Variants in PIK3C2G observed in about 807,000 individuals in gnomAD.
PIK3C2G encodes phosphatidylinositol 3-kinase C2 domain-containing subunit gamma.
In PIK3C2G, 168 loss-of-function variants were observed where a neutral mutation model predicts 181.1. The ratio of observed to expected loss-of-function variants is 0.93; its 90% CI spans 0.82 to 1.05. The LOEUF is 1.05. Among genes scored for constraint, PIK3C2G ranks in the 50% least tolerant of loss-of-function variants. The pLI is 0.00. For missense variants in PIK3C2G, 1,869 were observed against 1,732.8 expected (o/e 1.08, Z -1.40); for synonymous variants, 573 against 592.2 (o/e 0.97, Z 0.47).
Position 18,488,618 on chromosome 12 carries a change from C to T in PIK3C2G, c.2674C>T (p.His892Tyr), listed in dbSNP as rs767773999. The change falls in exon 19 of 33, where the codon CAT becomes TAT. Residue 892 changes from histidine to tyrosine, a missense_variant. Physicochemically the swap from His to Tyr is moderately conservative, Grantham distance 83 (BLOSUM62 2). Transcript: ENST00000538779. ...IGERVKSASD[H>Y]QRQEVLKKEI... ...GGAAAGAGTCAAGTCTGCCAGTGACCATCAAAGACAGGTTTGTTGAAATAT... is the reference window on the plus strand; with the variant it reads ...GGAAAGAGTCAAGTCTGCCAGTGACTATCAAAGACAGGTTTGTTGAAATAT... The T allele has an allele frequency of 3.3e-6, 5 of 1,506,858 alleles. No homozygotes were observed. The African/African-American group carries it at 5.7e-5, about 17-fold the overall frequency. The allele number at this position is 1,506,858 out of a possible 1,614,324, so 93.3% of individuals were successfully genotyped here.
At chr12:18,396,395 T>C (rs1296978461) in intron 15 of PIK3C2G, among the ~76,000 whole-genome samples, 2 of 151,686 alleles carry the variant, frequency 1.3e-5, no homozygotes, top group Non-Finnish European at 3.0e-5. Flanking sequence ...GAAAAGTTTA[T>C]AGTTAGTATC....
intron 11 of PIK3C2G, among the ~76,000 whole-genome samples, chr12:18,349,197 T>C (rs532475115): frequency 6.6e-6 from 1 of 152,184 alleles, no homozygotes; most frequent in South Asian, 2.1e-4. Flanking sequence ...TGGGAAAGCA[T>C]GATACAAGGG....
intron 31 of PIK3C2G, among the ~76,000 whole-genome samples, chr12:18,634,372 G>A (rs1389375828): frequency 1.3e-5 from 2 of 152,208 alleles, no homozygotes; most frequent in South Asian, 4.1e-4. Context: ...GATTTTGGAG[G>A]CAACGTACTC....
At chr12:18,607,057 TAAAC>T in intron 30 of PIK3C2G, 1 of 378,748 alleles carries the variant, frequency 2.6e-6, no homozygotes, top group Non-Finnish European at 5.3e-6. Context: ...TGTAATCCCC[TAAAC>T]AAACTGAGAC....
intron 16 of PIK3C2G, among the ~76,000 whole-genome samples, chr12:18,409,629 G>A (rs1042140224): frequency 6.6e-6 from 1 of 152,112 alleles, no homozygotes; most frequent in Non-Finnish European, 1.5e-5. Context: ...AGTCATCCTC[G>A]GAAGGTGGCA....
At chr12:18,488,939 A>G (rs1243722372) in intron 19 of PIK3C2G, among the ~76,000 whole-genome samples, 1 of 152,082 alleles carries the variant, frequency 6.6e-6, no homozygotes, top group Non-Finnish European at 1.5e-5. Flanking sequence ...TGGAGGCACA[A>G]TTCAGACTCA....
At chr12:18,676,791 G>A in the PIK3C2G span, among the ~76,000 whole-genome samples, 1 of 152,000 alleles carries the variant, frequency 6.6e-6, no homozygotes, top group African/African-American at 2.4e-5. Context: ...AAAACTAGAA[G>A]GTCAGAAGGG....
chr12:18,354,267 G>C (rs1270087873), intron 11 of PIK3C2G, among the ~76,000 whole-genome samples: 1 of 152,206 alleles, frequency 6.6e-6, no homozygotes, highest in Non-Finnish European at 1.5e-5. Flanking sequence ...GGACCTTACT[G>C]GGGCCAAATT....
chr12:18,606,897 T>C (rs1948053916), intron 30 of PIK3C2G, among the ~76,000 whole-genome samples: 1 of 152,102 alleles, frequency 6.6e-6, no homozygotes, highest in African/African-American at 2.4e-5. Context: ...AAAAACTAAA[T>C]TTCTCATTTT....
the PIK3C2G span, among the ~76,000 whole-genome samples, chr12:18,726,715 T>G: frequency 1.3e-5 from 2 of 152,214 alleles, no homozygotes; most frequent in Admixed American, 1.3e-4. Flanking sequence ...ATGAGAAAGC[T>G]GATTTATCAA....
At chr12:18,354,876 C>G (rs951097649) in intron 11 of PIK3C2G, among the ~76,000 whole-genome samples, 11 of 152,186 alleles carry the variant, frequency 7.2e-5, no homozygotes, top group Admixed American at 6.5e-4. Flanking sequence ...GCAGGCATCG[C>G]CCCTTTCTCT....
upstream of PIK3C2G, among the ~76,000 whole-genome samples, chr12:18,259,539 AT>A (rs1948183517): frequency 1.3e-5 from 2 of 152,004 alleles, no homozygotes; most frequent in Non-Finnish European, 2.9e-5. Flanking sequence ...AAGAAATCAC[AT>A]TTGCTTTAGA....
chr12:18,447,436 G>A (rs1369023223), intron 18 of PIK3C2G, among the ~76,000 whole-genome samples: 1 of 152,150 alleles, frequency 6.6e-6, no homozygotes, highest in African/African-American at 2.4e-5. Context: ...TAAAATAAAA[G>A]TTTCAAATTT....
chr12:18,562,646 G>C, intron 26 of PIK3C2G, 57 bp from the exon 27 acceptor site: 1 of 1,025,230 alleles, frequency 9.8e-7, no homozygotes, highest in South Asian at 1.5e-5. Context: ...GATCATAAAT[G>C]AAATGAGTAG....
At chr12:18,592,877 A>T (rs1300954618) in intron 29 of PIK3C2G, among the ~76,000 whole-genome samples, 1 of 151,948 alleles carries the variant, frequency 6.6e-6, no homozygotes, top group Non-Finnish European at 1.5e-5. Flanking sequence ...AGGGTTCAGC[A>T]TTAGATGGTT....
At chr12:18,478,638 G>A (rs1939239413) in intron 18 of PIK3C2G, among the ~76,000 whole-genome samples, 1 of 152,180 alleles carries the variant, frequency 6.6e-6, no homozygotes, top group Non-Finnish European at 1.5e-5. Context: ...TTAGTGGGCT[G>A]TGTAAGGGAG....
At chr12:18,370,615 C>T (rs1468952698) in intron 12 of PIK3C2G, among the ~76,000 whole-genome samples, 1 of 152,144 alleles carries the variant, frequency 6.6e-6, no homozygotes, top group African/African-American at 2.4e-5. Flanking sequence ...CTTAAGCATT[C>T]TGGCAACCAC....
intron 16 of PIK3C2G, among the ~76,000 whole-genome samples, chr12:18,400,128 T>C (rs1944162430): frequency 6.6e-6 from 1 of 152,088 alleles, no homozygotes; most frequent in South Asian, 2.1e-4. Flanking sequence ...CAGGGAAAAA[T>C]AAAAATCCCT....
intron 5 of PIK3C2G, among the ~76,000 whole-genome samples, chr12:18,308,554 T>C (rs1950513594): frequency 6.6e-6 from 1 of 151,432 alleles, no homozygotes; most frequent in Non-Finnish European, 1.5e-5. Flanking sequence ...CTCTGCTTGC[T>C]TGACTTGCTG....
Sources: allele counts gnomAD v4.1 joint callset (sites outside exome capture counted in the v4.1 genomes callset), GRCh38; gene constraint gnomAD v4.1.1; transcripts MANE v1.5; gene names NCBI Gene and HGNC (gene_info 2026-07-23, HGNC 2026-07-21).